CEP112: variants seen among roughly 807,000 people sequenced by gnomAD.
The protein encoded by CEP112 is centrosomal protein of 112 kDa.
A neutral mutation model predicts 153.0 loss-of-function variants in CEP112; 127 were observed. The observed-to-expected ratio is 0.83, with a 90% confidence interval of 0.72 to 0.96. The LOEUF is 0.96. CEP112 is among the 40% of genes least tolerant of loss of function. The pLI is 0.00. For synonymous variants in CEP112, 358 were observed against 374.4 expected (o/e 0.96, Z 0.51); for missense variants, 1,089 against 1,101.2 (o/e 0.99, Z 0.16).
At chr17:66,178,281 C>T (rs2072573018) in intron 2 of CEP112, among the ~76,000 whole-genome samples, 1 of 152,182 alleles carries the variant, frequency 6.6e-6, no homozygotes, top group Non-Finnish European at 1.5e-5. Context: ...TAATATCTCA[C>T]TGCAGTTTTT....
chr17:65,840,202 C>G lies in CEP112; in HGVS notation c.2394+11602G>C, dbSNP rs147370107. Among the ~76,000 whole-genome samples the G allele has an allele frequency of 7.9e-3, 1,209 of 152,156 alleles. 11 individuals are homozygous for G. Among genetic ancestry groups the G allele is most frequent in the South Asian group, 0.02 (96 of 4,802 alleles). ...GGAACCACAGAAGACCCCAAATAGCCAAAGTGATCTTGTGCAAAAGTTATA... is the reference window on the plus strand; with the variant it reads ...GGAACCACAGAAGACCCCAAATAGCGAAAGTGATCTTGTGCAAAAGTTATA... On this transcript the variant is annotated intron_variant, in intron 21 of 26. Coordinates refer to ENST00000535342, the MANE Select transcript of CEP112 (RefSeq NM_001199165.4).
At chr17:65,772,970 T>C (rs2053467389) in intron 21 of CEP112, among the ~76,000 whole-genome samples, 1 of 152,202 alleles carries the variant, frequency 6.6e-6, no homozygotes, top group Non-Finnish European at 1.5e-5. Flanking sequence ...TCTTGATCTA[T>C]TGACACATAT....
intron 12 of CEP112, among the ~76,000 whole-genome samples, chr17:66,030,304 T>C (rs977731581): frequency 6.6e-6 from 1 of 152,224 alleles, no homozygotes; most frequent in Non-Finnish European, 1.5e-5. Context: ...TGTAGATACA[T>C]AGCAGTAAAT....
At chr17:66,159,756 G>A (rs1214262806) in intron 4 of CEP112, among the ~76,000 whole-genome samples, 3 of 152,078 alleles carry the variant, frequency 2.0e-5, no homozygotes, top group Admixed American at 6.6e-5. Context: ...TACTGAAAGG[G>A]CAAAAGCTGC....
chr17:65,937,528 C>G (rs1449339287), intron 18 of CEP112, among the ~76,000 whole-genome samples: 2 of 136,484 alleles, frequency 1.5e-5, no homozygotes, highest in East Asian at 2.5e-4. Flanking sequence ...AAGTGAGGAG[C>G]CCCTCTGCCC....
intron 23 of CEP112, among the ~76,000 whole-genome samples, chr17:65,689,847 T>C (rs2048008582): frequency 6.6e-6 from 1 of 152,086 alleles, no homozygotes; most frequent in South Asian, 2.1e-4. Context: ...CATCAATTAC[T>C]ATGTTAAGTA....
intron 20 of CEP112, among the ~76,000 whole-genome samples, chr17:65,900,421 T>C (rs1245320659): frequency 6.6e-6 from 1 of 152,188 alleles, no homozygotes; most frequent in Non-Finnish European, 1.5e-5. Context: ...CTCATTGTAC[T>C]ATCCCTGTGG....
At chr17:66,092,702 A>G (rs998341110) in intron 8 of CEP112, among the ~76,000 whole-genome samples, 4 of 152,238 alleles carry the variant, frequency 2.6e-5, no homozygotes, top group African/African-American at 9.6e-5. Flanking sequence ...TCCCAAGAAT[A>G]TAAAGATACT....
intron 20 of CEP112, among the ~76,000 whole-genome samples, chr17:65,862,470 C>T (rs2058341888): frequency 6.6e-6 from 1 of 152,084 alleles, no homozygotes; most frequent in South Asian, 2.1e-4. Flanking sequence ...CACCTGTAGT[C>T]CCAGCTACTC....
chr17:65,871,035 C>T (rs761379260), intron 20 of CEP112, among the ~76,000 whole-genome samples: 1 of 152,176 alleles, frequency 6.6e-6, no homozygotes, highest in African/African-American at 2.4e-5. Flanking sequence ...AACCACCCAC[C>T]CACATTTTAT....
At chr17:66,152,514 G>T (rs1380439280) in intron 4 of CEP112, among the ~76,000 whole-genome samples, 1 of 152,092 alleles carries the variant, frequency 6.6e-6, no homozygotes, top group Non-Finnish European at 1.5e-5. Context: ...CTCTCTAGAT[G>T]GCAAAATATC....
At chr17:66,095,724 T>C (rs1413777615) in intron 8 of CEP112, among the ~76,000 whole-genome samples, 1 of 152,220 alleles carries the variant, frequency 6.6e-6, no homozygotes, top group African/African-American at 2.4e-5. Flanking sequence ...AAGCTCAATT[T>C]AGCCATTTGA....
intron 20 of CEP112, among the ~76,000 whole-genome samples, chr17:65,863,105 C>T (rs2058361954): frequency 6.6e-6 from 1 of 152,006 alleles, no homozygotes; most frequent in African/African-American, 2.4e-5. Context: ...CAAAATTATT[C>T]CTCCATTTTC....
intron 12 of CEP112, among the ~76,000 whole-genome samples, chr17:66,039,448 G>A (rs2111406): frequency 2.6e-5 from 4 of 151,924 alleles, no homozygotes; most frequent in Admixed American, 1.3e-4. Context: ...ATGAAAATAG[G>A]ACATATTTTC....
At chr17:65,958,614 T>C (rs2062083447) in intron 18 of CEP112, among the ~76,000 whole-genome samples, 1 of 59,056 alleles carries the variant, frequency 1.7e-5, no homozygotes. Flanking sequence ...CTCTGGACTT[T>C]GGCTGCCAAT....
chr17:66,090,959 A>C (rs775241698), intron 8 of CEP112, among the ~76,000 whole-genome samples: 3 of 152,128 alleles, frequency 2.0e-5, no homozygotes, highest in Non-Finnish European at 4.4e-5. Flanking sequence ...ACAGTGACAA[A>C]GGGCTCAAGT....
chr17:65,859,996 C>G (rs934980895), intron 20 of CEP112, among the ~76,000 whole-genome samples: 1 of 134,668 alleles, frequency 7.4e-6, no homozygotes, highest in Non-Finnish European at 1.5e-5. Flanking sequence ...GCCCAGGAGA[C>G]AGTGTGAGAC....
chr17:66,071,397 TG>T (rs961600241), intron 8 of CEP112, among the ~76,000 whole-genome samples: 2 of 152,094 alleles, frequency 1.3e-5, no homozygotes, highest in African/African-American at 4.8e-5. Flanking sequence ...GAAGCATTTT[TG>T]GGGTCTATTA....
chr17:65,713,663 T>A (rs921867887), intron 23 of CEP112, among the ~76,000 whole-genome samples: 30 of 152,208 alleles, frequency 2.0e-4, no homozygotes, highest in Admixed American at 2.0e-3. Context: ...CTCAGCTCAC[T>A]GCAAGCTCTG....
Sources: allele counts gnomAD v4.1 joint callset (sites outside exome capture counted in the v4.1 genomes callset), GRCh38; gene constraint gnomAD v4.1.1; transcripts MANE v1.5; gene names NCBI Gene and HGNC (gene_info 2026-07-23, HGNC 2026-07-21).